The following TCF7L2 variants were observed in gnomAD, a reference collection of about 807,000 sequenced individuals.
TCF7L2 encodes transcription factor 7 like 2, also known as transcription factor 7-like 2.
In TCF7L2, 23 loss-of-function variants were observed where a neutral mutation model predicts 77.9. The ratio of observed to expected loss-of-function variants is 0.30; its 90% confidence interval spans 0.21 to 0.42. The LOEUF (loss-of-function observed/expected upper bound fraction) is 0.42. Among genes scored for constraint, TCF7L2 ranks in the 10% least tolerant of loss-of-function variants. The pLI is 1.00. For missense variants in TCF7L2, 654 were observed against 793.1 expected (o/e 0.82, Z 2.11); for synonymous variants, 413 against 340.2 (o/e 1.21, Z -2.36).
chr10:112,986,144 C>T (rs1412615921), intron 4 of TCF7L2, among the ~76,000 whole-genome samples: 3 of 151,968 alleles, frequency 2.0e-5, no homozygotes, highest in Non-Finnish European at 4.4e-5. Flanking sequence ...TACTCAGGCT[C>T]TGGTCAAGTC....
intron 4 of TCF7L2, among the ~76,000 whole-genome samples, chr10:113,026,636 C>T (rs2049233135): frequency 3.9e-5 from 6 of 152,134 alleles, no homozygotes; most frequent in Admixed American, 3.9e-4. Flanking sequence ...GGGATCAAGC[C>T]CTCTTTGGCC....
In TCF7L2 at chr10:112,951,523, G is replaced by A. The variant is rs754966436; in HGVS notation, c.297G>A (p.Pro99=). 7 of 1,428,586 alleles carry A rather than the reference G, an allele frequency of 4.9e-6. No homozygotes were observed. The highest frequency in any genetic ancestry group is 1.5e-5 in the African/African-American group (1 of 66,478). 88.5% of individuals were successfully genotyped at this position (1,428,586 alleles called of 1,614,324 possible). A position where few individuals can be genotyped will look rare whatever the true frequency, so the allele number is the denominator to read the frequency against. Reference sequence around the variant, plus strand: ...ATGGAGGGCTCTTTAAGGGGCCACCGTATCCCGGCTACCCCTTCATCATGA... The same window carrying A: ...ATGGAGGGCTCTTTAAGGGGCCACCATATCCCGGCTACCCCTTCATCATGA... The change falls in exon 3 of 14, where the codon CCG becomes CCA. Residue 99 remains proline (P), a synonymous_variant. Transcript: ENST00000627217.
chr10:113,067,483 A>G (rs1243871789), intron 5 of TCF7L2, among the ~76,000 whole-genome samples: 3 of 152,218 alleles, frequency 2.0e-5, no homozygotes, highest in Admixed American at 6.5e-5. Context: ...TTCCCCCACA[A>G]GAAATATTCA....
intron 11 of TCF7L2, among the ~76,000 whole-genome samples, chr10:113,153,521 G>A (rs2071205590): frequency 6.6e-6 from 1 of 152,196 alleles, no homozygotes; most frequent in African/African-American, 2.4e-5. Flanking sequence ...TTGACGTATA[G>A]GGGTCGAGGT....
chr10:113,153,075 C>T (rs1035245488), intron 11 of TCF7L2, among the ~76,000 whole-genome samples: 3 of 152,178 alleles, frequency 2.0e-5, no homozygotes, highest in Non-Finnish European at 2.9e-5. Flanking sequence ...GTGTGCTATG[C>T]GGTGTGTGTG....
rs187725936 is a variant in TCF7L2 at position 113,016,563 on chromosome 10, C to T, written c.451-23462C>T. On this transcript the variant is annotated intron_variant, in intron 4 of 13. Transcript: ENST00000627217. The stretch of plus-strand genomic sequence containing the variant: ...TTTGTGCAATTTTGGCATGCCGAGG[C>T]GGGCACCCTGAAGCTCCGGCAGAGC... Among the ~76,000 whole-genome samples, 14 of 152,176 alleles carry T rather than the reference C, an allele frequency of 9.2e-5. No homozygotes were observed. In the East Asian group the frequency reaches 1.4e-3, roughly 15 times the overall value.
At chr10:113,117,865 G>A (rs1335394339) in intron 5 of TCF7L2, among the ~76,000 whole-genome samples, 1 of 152,180 alleles carries the variant, frequency 6.6e-6, no homozygotes, top group Non-Finnish European at 1.5e-5. Flanking sequence ...TCCGCCACAA[G>A]TCCGAGGCGG....
At chr10:113,073,108 G>C (rs1190554300) in intron 5 of TCF7L2, among the ~76,000 whole-genome samples, 1 of 138,498 alleles carries the variant, frequency 7.2e-6, no homozygotes, top group Non-Finnish European at 1.6e-5. Context: ...TCGTGTGTGT[G>C]TGTGTGTGTG....
intron 4 of TCF7L2, among the ~76,000 whole-genome samples, chr10:112,980,555 A>G (rs1251988114): frequency 6.6e-6 from 1 of 152,114 alleles, no homozygotes; most frequent in Non-Finnish European, 1.5e-5. Context: ...AATCAAAAAC[A>G]AACCTCCCCT....
In TCF7L2 at chr10:113,165,756, G is replaced by T. The variant is rs2074006575; in HGVS notation, c.1593G>T (p.Met531Ile). ...CCGACCCCCTGGCCCACCTGTCCATGATGCCTCCGCCACCCGCCCTCCTGC... is the reference window on the plus strand; with the variant it reads ...CCGACCCCCTGGCCCACCTGTCCATTATGCCTCCGCCACCCGCCCTCCTGC... Residue 531 changes from methionine to isoleucine, a missense_variant, in exon 14 of 14, where the codon ATG becomes ATT. Met to Ile is a conservative substitution (Grantham distance 10). Around this residue, in one of 6 missense-constraint regions of TCF7L2, gnomAD observed 272 missense variants for 215.4 expected, o/e 1.26. Transcript: ENST00000627217. 1.9e-6 allele frequency: 3 copies of T among 1,610,450 alleles called. No individual in the cohort carries two copies. The East Asian group carries it at 6.7e-5, about 36-fold the overall frequency.
In TCF7L2 at chr10:113,166,780, A is replaced by G. The variant is rs3167853; in HGVS notation, c.*808A>G. On this transcript the variant is annotated 3_prime_UTR_variant, in exon 14 of 14. Coordinates refer to ENST00000627217, the MANE Select transcript of TCF7L2 (RefSeq NM_001146274.2). ...TCATTTGTACAAGGTTTTTAAGTTT[A>G]TATATAAAATGTGTATATATATTTT... is the stretch of plus-strand genomic sequence containing the variant. The G allele has an allele frequency of 1.0e-3, 232 of 227,988 alleles. No individual in the cohort carries two copies. Among genetic ancestry groups the G allele is most frequent in the South Asian group, 1.3e-3 (7 of 5,470 alleles). The allele number at this position is 227,988 out of a possible 1,614,324, so 14.1% of individuals were successfully genotyped here.
chr10:113,143,860 C>G, intron 6 of TCF7L2, 63 bp from the exon 7 acceptor site: 1 of 1,243,772 alleles, frequency 8.0e-7, no homozygotes, highest in East Asian at 2.4e-5. Flanking sequence ...GTTCCCATCC[C>G]CTAATGGATT....
At chr10:112,958,242 G>A (rs141548659) in intron 3 of TCF7L2, among the ~76,000 whole-genome samples, 87 of 152,258 alleles carry the variant, frequency 5.7e-4, no homozygotes, top group African/African-American at 2.0e-3. Context: ...CAACCAGGTC[G>A]GTCTACGGAG....
At chr10:113,018,828 GC>G (rs1322661844) in intron 4 of TCF7L2, among the ~76,000 whole-genome samples, 1 of 152,140 alleles carries the variant, frequency 6.6e-6, no homozygotes, top group African/African-American at 2.4e-5. Flanking sequence ...GGGGTGGACT[GC>G]CGGGATCTGT....
At chr10:113,074,312 T>C (rs996330985) in intron 5 of TCF7L2, among the ~76,000 whole-genome samples, 3 of 152,188 alleles carry the variant, frequency 2.0e-5, no homozygotes, top group Non-Finnish European at 4.4e-5. Flanking sequence ...CACACCCCTC[T>C]TCCCGTTGTC....
intron 5 of TCF7L2, among the ~76,000 whole-genome samples, chr10:113,103,850 T>C (rs958545121): frequency 2.0e-5 from 3 of 152,164 alleles, no homozygotes; most frequent in Non-Finnish European, 4.4e-5. Flanking sequence ...AGCTTGACAG[T>C]TTCCATTATA....
chr10:113,154,489 C>T (rs552008018), intron 11 of TCF7L2, among the ~76,000 whole-genome samples: 2 of 152,106 alleles, frequency 1.3e-5, no homozygotes, highest in East Asian at 1.9e-4. Context: ...GCAGGGCGTG[C>T]ACTGCACAAC....
intron 5 of TCF7L2, among the ~76,000 whole-genome samples, chr10:113,075,809 C>G (rs1329462516): frequency 6.6e-6 from 1 of 152,088 alleles, no homozygotes; most frequent in Admixed American, 6.5e-5. Flanking sequence ...TTTCCACTTA[C>G]CTAATAGTTT....
chr10:113,165,889 T>TAA lies in TCF7L2; in HGVS notation c.1726_1727insAA (p.Ser576Ter). 6.2e-7 allele frequency: 1 copy of TAA among 1,602,178 alleles called. No homozygotes were observed. Among genetic ancestry groups the TAA allele is most frequent in the East Asian group, 2.2e-5 (1 of 44,698 alleles). ...CCCCTCCTCATCAATTGCACAGCCG[T>TAA]CGACTTCTTCCTTACATTCCCACAG... Residue 576 changes from serine to a stop codon, truncating the protein, a stop_gained and frameshift_variant, in exon 14 of 14, where the codon TCG (serine) becomes TAACG (stop). Coordinates refer to ENST00000627217, the MANE Select transcript of TCF7L2 (RefSeq NM_001146274.2). LOFTEE classifies it high-confidence loss of function.
Sources: allele counts gnomAD v4.1 joint callset (sites outside exome capture counted in the v4.1 genomes callset), GRCh38; gene constraint gnomAD v4.1.1; regional missense constraint gnomAD v4.1.1; transcripts MANE v1.5; gene names NCBI Gene and HGNC (gene_info 2026-07-23, HGNC 2026-07-21).